NRF1: variants seen among roughly 807,000 people sequenced by gnomAD.
NRF1 encodes the protein nuclear respiratory factor 1, also known as alpha palindromic-binding protein.
NRF1 carries 5 observed loss-of-function variants against 58.5 expected under a neutral mutation model. That is an observed-to-expected ratio of 0.09 (90% CI 0.04 to 0.18). The LOEUF (loss-of-function observed/expected upper bound fraction) is 0.18. NRF1 is among the 10% of genes least tolerant of loss of function. The pLI is 1.00. For missense variants in NRF1, 288 were observed against 657.7 expected (o/e 0.44, Z 6.15); for synonymous variants, 224 against 246.7 (o/e 0.91, Z 0.86).
rs182230319 is a variant in NRF1 at position 129,638,771 on chromosome 7, C to G, written c.-6-18575C>G. On this transcript the variant is annotated intron_variant, in intron 1 of 10. Transcript: ENST00000393232. ...CTTTAGGAACTTAGGTAGCATTTCT[C>G]CCCTCCTTCTGTGAGTTTAGTGATA... 1.3e-4 allele frequency among the ~76,000 whole-genome samples: 20 copies of G among 152,124 alleles called. No individual in the cohort carries two copies. In the South Asian group the frequency reaches 2.9e-3, roughly 22 times the overall value.
chr7:129,744,382 T>G (rs950560135), intron 10 of NRF1, among the ~76,000 whole-genome samples: 5 of 152,238 alleles, frequency 3.3e-5, no homozygotes, highest in Admixed American at 2.0e-4. Context: ...TAACCATTGA[T>G]TCCATTGATT....
At chr7:129,694,521 T>G (rs111536762) in intron 5 of NRF1, among the ~76,000 whole-genome samples, 4 of 152,204 alleles carry the variant, frequency 2.6e-5, no homozygotes, top group African/African-American at 9.6e-5. Context: ...TGCGCCACCA[T>G]GCCTGGCTAA....
chr7:129,714,546 T>C (rs189451302), intron 8 of NRF1, among the ~76,000 whole-genome samples: 77 of 152,210 alleles, frequency 5.1e-4, no homozygotes, highest in Admixed American at 1.8e-3. Flanking sequence ...GCAGTGTTGG[T>C]AGTGATGTTC....
At chr7:129,648,318 C>T (rs1441554904) in intron 1 of NRF1, among the ~76,000 whole-genome samples, 1 of 131,406 alleles carries the variant, frequency 7.6e-6, no homozygotes, top group South Asian at 2.4e-4. Flanking sequence ...CTCGCTCTGT[C>T]GCCCAGGCTG....
chr7:129,755,188 G>A lies in NRF1; in HGVS notation c.*7G>A. The A allele has an allele frequency of 6.3e-7, 1 of 1,577,614 alleles. No individual in the cohort carries two copies. Among genetic ancestry groups the A allele is most frequent in the South Asian group, 1.2e-5 (1 of 85,948 alleles). On this transcript the variant is annotated 3_prime_UTR_variant, in exon 11 of 11. Transcript: ENST00000393232. This position sits in a 1 kb window ranked among gnomAD's most constrained non-coding sequence, Gnocchi z 5.8. ...GGTGACATTGGAACAGTGACATACAGCCATATTATGGCATCGTTTTCTAGT... is the reference window on the plus strand; with the variant it reads ...GGTGACATTGGAACAGTGACATACAACCATATTATGGCATCGTTTTCTAGT...
At chr7:129,667,299 C>T (rs1159688776) in intron 2 of NRF1, among the ~76,000 whole-genome samples, 4 of 152,204 alleles carry the variant, frequency 2.6e-5, no homozygotes, top group African/African-American at 9.7e-5. Context: ...AATGGCATCT[C>T]AGTGTTGGTT....
In NRF1 at chr7:129,704,920, T is replaced by C. The variant is rs555809948; in HGVS notation, c.607-4155T>C. Among the ~76,000 whole-genome samples the C allele has an allele frequency of 2.0e-5, 3 of 152,302 alleles. 1 individual carries two copies. In the East Asian group the frequency reaches 5.8e-4, roughly 29 times the overall value. ...TTTCTGAGTCCTTATTTGTTTTACA[T>C]TTAGAGTAGTTTTATTTAATAGATT... On this transcript the variant is annotated intron_variant, in intron 5 of 10. Transcript: ENST00000393232.
intron 1 of NRF1, among the ~76,000 whole-genome samples, chr7:129,647,298 C>A (rs528700765): frequency 2.0e-5 from 3 of 151,924 alleles, no homozygotes; most frequent in Non-Finnish European, 4.4e-5. Context: ...CTCGGGATTA[C>A]GGGCATGAGC....
chr7:129,727,503 G>C, intron 10 of NRF1, 138 bp downstream of exon 10: 1 of 774,190 alleles, frequency 1.3e-6, no homozygotes, highest in Non-Finnish European at 1.9e-6. Context: ...TCATGCCTAG[G>C]AATATTCTGG....
chr7:129,744,197 G>A, intron 10 of NRF1: 1 of 1,548,124 alleles, frequency 6.5e-7, no homozygotes, highest in Non-Finnish European at 8.7e-7. Context: ...GATCGTGCAG[G>A]TCGCAAGTGG....
chr7:129,682,179 G>A (rs559991179), intron 4 of NRF1, among the ~76,000 whole-genome samples: 1 of 151,860 alleles, frequency 6.6e-6, no homozygotes, highest in Admixed American at 6.6e-5. Context: ...ACCCACCATG[G>A]GGGGGCATGG....
At chr7:129,745,426 C>G in intron 10 of NRF1, among the ~76,000 whole-genome samples, 1 of 152,070 alleles carries the variant, frequency 6.6e-6, no homozygotes. Flanking sequence ...TCAGCGGCAT[C>G]AGATTCTCAT....
At chr7:129,630,999 AC>A (rs755883338) in intron 1 of NRF1, among the ~76,000 whole-genome samples, 8 of 152,176 alleles carry the variant, frequency 5.3e-5, no homozygotes, top group Non-Finnish European at 8.8e-5. Context: ...AGTAAATGAA[AC>A]ACTCATATGT....
chr7:129,615,050 T>G (rs1425303235), intron 1 of NRF1, among the ~76,000 whole-genome samples: 5 of 152,230 alleles, frequency 3.3e-5, no homozygotes, highest in East Asian at 1.9e-4. Context: ...AGTTGAAGAA[T>G]AATAACAATG....
chr7:129,655,620 C>T (rs1203114660), intron 1 of NRF1, among the ~76,000 whole-genome samples: 4 of 151,918 alleles, frequency 2.6e-5, no homozygotes, highest in South Asian at 2.1e-4. Flanking sequence ...CTTCTGGGTT[C>T]AAGCGATTCT....
chr7:129,722,793 A>G (rs1584673019), intron 9 of NRF1, among the ~76,000 whole-genome samples: 2 of 152,344 alleles, frequency 1.3e-5, no homozygotes, highest in African/African-American at 4.8e-5. Flanking sequence ...TTCACTGCCC[A>G]TGAAACTCAT....
At chr7:129,717,431 T>G (rs1803219002) in intron 9 of NRF1, 55 bp downstream of exon 9, 3 of 1,539,490 alleles carry the variant, frequency 1.9e-6, no homozygotes, top group Non-Finnish European at 2.6e-6. Flanking sequence ...CCTGCAGATA[T>G]GGGTGGAGGC....
At chr7:129,689,290 A>G (rs997750050) in intron 4 of NRF1, among the ~76,000 whole-genome samples, 13 of 152,110 alleles carry the variant, frequency 8.5e-5, no homozygotes, top group African/African-American at 3.1e-4. Flanking sequence ...ATAATGAGGT[A>G]TTTATAAGGA....
intron 1 of NRF1, among the ~76,000 whole-genome samples, chr7:129,619,254 C>T (rs1445715382): frequency 6.7e-6 from 1 of 150,258 alleles, no homozygotes; most frequent in Admixed American, 6.6e-5. Context: ...TGTGAAATAC[C>T]ACAGAGTTCA....
Sources: gnomAD v4.1 joint callset for allele counts (sites outside exome capture counted in the v4.1 genomes callset) on GRCh38, gnomAD v4.1.1 for gene constraint, Gnocchi (gnomAD v3.1) non-coding constraint, MANE v1.5 for transcripts, NCBI Gene and HGNC (gene_info 2026-07-23, HGNC 2026-07-21) for gene names.